The following TIMM23B variants were observed in gnomAD, a reference collection of about 807,000 sequenced individuals.
The protein encoded by TIMM23B is mitochondrial import inner membrane translocase subunit Tim23B.
A neutral mutation model predicts 27.3 loss-of-function variants in TIMM23B; 27 were observed. The ratio of observed to expected loss-of-function variants is 0.99; its 90% confidence interval spans 0.73 to 1.36. TIMM23B has a LOEUF of 1.36. Among genes scored for constraint, TIMM23B ranks in the 40% most tolerant of loss-of-function variants. The probability of loss-of-function intolerance (pLI) is 0.00; values close to 1 mark genes in which losing one functional copy is unlikely to be tolerated. For synonymous variants in TIMM23B, 73 were observed against 92.4 expected, an observed-to-expected ratio of 0.79 and a Z score of 1.21; for missense variants, 205 against 244.2, an observed-to-expected ratio of 0.84 and a Z score of 1.07.
intron 6 of TIMM23B, among the ~76,000 whole-genome samples, chr10:49,964,982 A>G (rs1481116273): frequency 3.3e-5 from 5 of 152,198 alleles, no homozygotes; most frequent in Admixed American, 2.0e-4. Context: ...GCACTTTGGG[A>G]GGCCTAGGTG....
At chr10:49,948,391 A>T (rs1409287809) in intron 2 of TIMM23B, among the ~76,000 whole-genome samples, 1 of 152,010 alleles carries the variant, frequency 6.6e-6, no homozygotes, top group East Asian at 1.9e-4. Flanking sequence ...AGAATTGAAA[A>T]CCTCTGTGCA....
At chr10:49,947,595 G>T (rs1370983446) in intron 2 of TIMM23B, among the ~76,000 whole-genome samples, 5 of 151,730 alleles carry the variant, frequency 3.3e-5, no homozygotes, top group African/African-American at 1.2e-4. Context: ...GGGCAACAGA[G>T]TAAGACTCGG....
chr10:49,948,663 AAT>A (rs1839427186), intron 2 of TIMM23B, among the ~76,000 whole-genome samples: 1 of 152,240 alleles, frequency 6.6e-6, no homozygotes, highest in Non-Finnish European at 1.5e-5. Flanking sequence ...AGAATAGGCA[AAT>A]ATATGGACAA....
At chr10:49,959,744 A>ATT (rs71258795) in intron 6 of TIMM23B, among the ~76,000 whole-genome samples, 1 of 144,748 alleles carries the variant, frequency 6.9e-6, no homozygotes, top group Non-Finnish European at 1.5e-5. Flanking sequence ...GCAACTTTTA[A>ATT]TTTTTTTTTT....
rs1397692616 is a variant in TIMM23B at position 49,945,076 on chromosome 10, C to A, written c.151C>A (p.Arg51=). Residue 51 remains arginine (R), a synonymous_variant, in exon 2 of 7, where the codon CGA becomes AGA. Transcript: ENST00000651259. ...GTGTCCTTATTTAAATGTGGATCCACGATACCTCGTGCAGGTAAGACTAAG... is the reference window on the plus strand; with the variant it reads ...GTGTCCTTATTTAAATGTGGATCCAAGATACCTCGTGCAGGTAAGACTAAG... ...PLCPYLNVDP[R]YLVQDTDEFI... The A allele has an allele frequency of 6.2e-7, 1 of 1,607,702 alleles. No individual in the cohort carries two copies. Among genetic ancestry groups the A allele is most frequent in the Admixed American group, 1.7e-5 (1 of 58,984 alleles).
intron 1 of TIMM23B, among the ~76,000 whole-genome samples, chr10:49,943,790 T>A (rs1170413959): frequency 6.7e-6 from 1 of 149,264 alleles, no homozygotes; most frequent in East Asian, 1.9e-4. Context: ...TCACAGAGCT[T>A]ACATAATACT....
intron 6 of TIMM23B, among the ~76,000 whole-genome samples, chr10:49,971,204 G>C: frequency 6.6e-6 from 1 of 151,878 alleles, no homozygotes; most frequent in Non-Finnish European, 1.5e-5. Context: ...AGGCCGCAGG[G>C]TCCTCTGCCT....
chr10:49,952,331 A>G (rs1351804984), intron 3 of TIMM23B, 112 bp downstream of exon 3: 70 of 1,466,256 alleles, frequency 4.8e-5, no homozygotes, highest in South Asian at 1.0e-4. Context: ...TAATATTTAC[A>G]TTTGTCTTTT....
chr10:49,946,519 C>A lies in TIMM23B; in HGVS notation c.165+1429C>A, dbSNP rs1331625429. On this transcript the variant is annotated intron_variant, in intron 2 of 6. Transcript: ENST00000651259. Reference sequence around the variant, plus strand: ...TTCAGCAAGTTGCAGAATACAAGTTCAATATACATAAATATATTTCTAGAC... The same window carrying A: ...TTCAGCAAGTTGCAGAATACAAGTTAAATATACATAAATATATTTCTAGAC... Among the ~76,000 whole-genome samples, 197 of 152,202 alleles carry A rather than the reference C, an allele frequency of 1.3e-3. 1 individual carries two copies. Among genetic ancestry groups the A allele is most frequent in the African/African-American group, 4.5e-3 (186 of 41,524 alleles).
chr10:49,962,090 A>G lies in TIMM23B; in HGVS notation c.514+3610A>G, dbSNP rs1420675567. On this transcript the variant is annotated intron_variant, in intron 6 of 6. Coordinates refer to ENST00000651259, the MANE Select transcript of TIMM23B (RefSeq NM_001290117.2). ...ATCTCAGTATGTGTAGACTCTCGTT[A>G]GGAGAATTATGAAACTTAACTCTTT... Among the ~76,000 whole-genome samples the G allele has an allele frequency of 1.2e-3, 181 of 150,688 alleles. 1 individual carries two copies. Among genetic ancestry groups the G allele is most frequent in the African/African-American group, 4.4e-3 (180 of 40,930 alleles).
intron 4 of TIMM23B, among the ~76,000 whole-genome samples, chr10:49,953,878 T>C (rs1839621384): frequency 6.6e-6 from 1 of 152,134 alleles, no homozygotes; most frequent in Non-Finnish European, 1.5e-5. Context: ...CCCATCTCCC[T>C]CTCCTCTCCC....
intron 5 of TIMM23B, among the ~76,000 whole-genome samples, chr10:49,956,426 CGTGTGT>C (rs1173703740): frequency 0.034 from 3,921 of 113,930 alleles, 184 homozygotes; most frequent in African/African-American, 0.063. Flanking sequence ...ACTAGAAATA[CGTGTGT>C]GTGTGTGTGT....
intron 5 of TIMM23B, among the ~76,000 whole-genome samples, chr10:49,958,032 T>C (rs1589038238): frequency 6.6e-6 from 1 of 151,662 alleles, no homozygotes; most frequent in Non-Finnish European, 1.5e-5. Flanking sequence ...GACAGGAAGG[T>C]GTGGGGAAAG....
chr10:49,954,292 A>T (rs1839639336), intron 4 of TIMM23B: 1 of 450,380 alleles, frequency 2.2e-6, no homozygotes, highest in South Asian at 1.7e-5. Flanking sequence ...TCTTCTCTTC[A>T]TCCAGTTGCC....
chr10:49,959,352 C>T (rs1178092306), intron 6 of TIMM23B, among the ~76,000 whole-genome samples: 1 of 152,138 alleles, frequency 6.6e-6, no homozygotes, highest in African/African-American at 2.4e-5. Flanking sequence ...GGAATGACTT[C>T]CCTGTAAGTC....
chr10:49,964,171 CGAGTCTCCATCTT>C, intron 6 of TIMM23B, among the ~76,000 whole-genome samples: 1 of 150,762 alleles, frequency 6.6e-6, no homozygotes, highest in South Asian at 2.1e-4. Flanking sequence ...GGTGATAGAG[CGAGTCTCCATCTT>C]GAAGTGAAAT....
intron 2 of TIMM23B, among the ~76,000 whole-genome samples, chr10:49,950,977 A>G (rs1839512241): frequency 1.3e-5 from 2 of 152,288 alleles, no homozygotes; most frequent in South Asian, 2.1e-4. Context: ...TAAAAACTCA[A>G]ACAAAAAGCA....
chr10:49,947,611 AAAAT>A (rs1158733330), intron 2 of TIMM23B, among the ~76,000 whole-genome samples: 67 of 151,550 alleles, frequency 4.4e-4, no homozygotes, highest in Non-Finnish European at 6.3e-4. Flanking sequence ...CTCGGTCTCA[AAAAT>A]AAATAAATAA....
At chr10:49,960,304 G>T (rs1839856717) in intron 6 of TIMM23B, among the ~76,000 whole-genome samples, 1 of 149,266 alleles carries the variant, frequency 6.7e-6, no homozygotes, top group African/African-American at 2.5e-5. Context: ...TCCTGCCTCA[G>T]CCTCCCAAAG....
Sources: allele counts gnomAD v4.1 joint callset (sites outside exome capture counted in the v4.1 genomes callset), GRCh38; gene constraint gnomAD v4.1.1; transcripts MANE v1.5; gene names NCBI Gene and HGNC (gene_info 2026-07-23, HGNC 2026-07-21).